The following DLC1 variants were observed in gnomAD, a reference collection of about 807,000 sequenced individuals.
DLC1 encodes the protein rho GTPase-activating protein 7.
DLC1 carries 54 observed loss-of-function variants against 140.3 expected under a neutral mutation model. The ratio of observed to expected loss-of-function variants is 0.38; its 90% CI spans 0.31 to 0.48. The LOEUF (loss-of-function observed/expected upper bound fraction) is 0.48, where lower values mean the gene tolerates loss of function less well. Ranked by LOEUF, DLC1 falls within the 20% of genes least tolerant of loss-of-function variation. DLC1 has a pLI of 0.96. For missense variants in DLC1, 2,536 were observed against 1,907.0 expected (o/e 1.33, Z -6.14); for synonymous variants, 986 against 728.1 (o/e 1.35, Z -5.70).
At chr8:13,393,242 T>C (rs982052131) in intron 4 of DLC1, among the ~76,000 whole-genome samples, 25 of 152,048 alleles carry the variant, frequency 1.6e-4, no homozygotes, top group African/African-American at 5.8e-4. Context: ...AAGATAATAG[T>C]GTAGGGAAAG....
chr8:13,297,578 G>C (rs1177614461), intron 5 of DLC1, among the ~76,000 whole-genome samples: 1 of 152,082 alleles, frequency 6.6e-6, no homozygotes, highest in Middle Eastern at 3.2e-3. Flanking sequence ...GGCATTGGGA[G>C]TACTGCGCTG....
intron 4 of DLC1, among the ~76,000 whole-genome samples, chr8:13,383,633 C>T (rs1353493999): frequency 2.6e-5 from 4 of 152,152 alleles, no homozygotes; most frequent in African/African-American, 9.7e-5. Flanking sequence ...CCTTTTCCAA[C>T]ATTGAACAGG....
At chr8:13,098,250 C>T (rs1397689694) in intron 10 of DLC1, 149 bp downstream of exon 10, 8 of 1,074,612 alleles carry the variant, frequency 7.4e-6, no homozygotes, top group African/African-American at 6.4e-5. Flanking sequence ...AACAAACAAA[C>T]AAAAATGCAG....
At chr8:13,578,685 A>T (rs1200933215) in intron 1 of DLC1, among the ~76,000 whole-genome samples, 1 of 152,164 alleles carries the variant, frequency 6.6e-6, no homozygotes, top group Admixed American at 6.5e-5. Flanking sequence ...CTGGTTTATT[A>T]TAAAGGATAT....
At chr8:13,390,031 A>G (rs1367579162) in intron 4 of DLC1, among the ~76,000 whole-genome samples, 5 of 152,188 alleles carry the variant, frequency 3.3e-5, no homozygotes, top group Non-Finnish European at 7.3e-5. Flanking sequence ...GACTGTTATT[A>G]CATATCATTT....
rs577256057 is a variant in DLC1, at chr8:13,532,662, C to G, written c.-125-32466G>C. Reference sequence around the variant, plus strand: ...TGTGCAGTGGTGCAATCATTCATTGCTCACTGTGATCTTGAACTCTTGGGC... The same window carrying G: ...TGTGCAGTGGTGCAATCATTCATTGGTCACTGTGATCTTGAACTCTTGGGC... On this transcript the variant is annotated intron_variant, in intron 1 of 1. Coordinates refer to the DLC1 transcript ENST00000631382. Among the ~76,000 whole-genome samples the G allele has an allele frequency of 2.4e-4, 36 of 152,290 alleles. No homozygotes were observed. The South Asian group carries it at 7.2e-3, about 31-fold the overall frequency.
chr8:13,286,733 A>G (rs1442771304), intron 5 of DLC1, among the ~76,000 whole-genome samples: 1 of 151,818 alleles, frequency 6.6e-6, no homozygotes, highest in Non-Finnish European at 1.5e-5. Flanking sequence ...AAAATAGAAA[A>G]AAAAAAAAAC....
intron 1 of DLC1, among the ~76,000 whole-genome samples, chr8:13,503,876 A>T (rs185072469): frequency 6.6e-6 from 1 of 152,320 alleles, no homozygotes; most frequent in African/African-American, 2.4e-5. Flanking sequence ...TATCTGTGGT[A>T]AATATCTATC....
intron 5 of DLC1, among the ~76,000 whole-genome samples, chr8:13,185,122 C>CTTTTTTTTTTTTTTTTT (rs1193667992): frequency 9.5e-5 from 8 of 84,568 alleles, no homozygotes; most frequent in African/African-American, 2.6e-4. Flanking sequence ...GCAACCCCTG[C>CTTTTTTTTTTTTTTTTT]TTTTTTTTTT....
chr8:13,475,756 T>G (rs1364653540), intron 2 of DLC1, among the ~76,000 whole-genome samples: 2 of 152,106 alleles, frequency 1.3e-5, no homozygotes, highest in African/African-American at 2.4e-5. Context: ...AGGCTAAAAG[T>G]GAGGCTGCAG....
intron 4 of DLC1, among the ~76,000 whole-genome samples, chr8:13,384,854 A>G (rs758339236): frequency 6.6e-6 from 1 of 152,102 alleles, no homozygotes; most frequent in Non-Finnish European, 1.5e-5. Context: ...GCGACAGGGA[A>G]GTACTGGGGG....
At chr8:13,328,745 A>G (rs553317434) in intron 4 of DLC1, among the ~76,000 whole-genome samples, 34 of 152,042 alleles carry the variant, frequency 2.2e-4, no homozygotes, top group Non-Finnish European at 4.6e-4. Flanking sequence ...ATTCAGGAGG[A>G]GCCCGCAGAG....
intron 5 of DLC1, among the ~76,000 whole-genome samples, chr8:13,190,577 G>A (rs1385389287): frequency 6.6e-6 from 1 of 152,146 alleles, no homozygotes; most frequent in African/African-American, 2.4e-5. Context: ...CTTTGAGAAA[G>A]GCAAAAGTCA....
chr8:13,433,078 G>A (rs769909441), intron 2 of DLC1, among the ~76,000 whole-genome samples: 1 of 151,154 alleles, frequency 6.6e-6, no homozygotes, highest in Non-Finnish European at 1.5e-5. Context: ...ATGGAGTAAA[G>A]CCACTGAAAA....
At position 13,493,519 on chromosome 8, in the gene DLC1, G is replaced by T. The variant is rs564313536; in HGVS notation, c.1023+5530C>A. On this transcript the variant is annotated intron_variant, in intron 2 of 17. Transcript: ENST00000276297. ...TGATCAGATCTGGGTAATTAGAAGA[G>T]CCATCGTTCCAAACATTGATCATGT... 3.3e-5 allele frequency among the ~76,000 whole-genome samples: 5 copies of T among 152,252 alleles called. No homozygotes were observed. In the East Asian group the frequency reaches 7.7e-4, roughly 24 times the overall value.
chr8:13,099,745 C>G lies in DLC1; in HGVS notation c.2592G>C (p.Lys864Asn), dbSNP rs752185721. The G allele has an allele frequency of 1.2e-6, 2 of 1,614,190 alleles. No individual in the cohort carries two copies. Among genetic ancestry groups the G allele is most frequent in the African/African-American group, 2.7e-5 (2 of 75,044 alleles). Residue 864 changes from lysine to asparagine, a missense_variant, in exon 9 of 18, where the codon AAG becomes AAC. Lys to Asn is a moderately conservative substitution (Grantham distance 94, BLOSUM62 0). Transcript: ENST00000276297. ...ENSSDSPKEL[K>N]RRNSSSSMSS... ...TCATGGAGCTGGAAGAATTGCGTCT[C>G]TTCAGTTCCTTGGGGCTGTCGCTAC...
intron 2 of DLC1, among the ~76,000 whole-genome samples, chr8:13,448,374 T>TTC (rs1003120833): frequency 6.6e-6 from 1 of 151,818 alleles, no homozygotes; most frequent in African/African-American, 2.4e-5. Context: ...TTCTTCTTTT[T>TTC]TTTTTTTGAG....
At chr8:13,487,478 A>G (rs1457111551) in intron 2 of DLC1, among the ~76,000 whole-genome samples, 2 of 152,160 alleles carry the variant, frequency 1.3e-5, no homozygotes, top group African/African-American at 2.4e-5. Flanking sequence ...TTCCCACTCC[A>G]AGTTTGTCCC....
intron 2 of DLC1, among the ~76,000 whole-genome samples, chr8:13,464,691 T>A (rs1477033993): frequency 6.7e-6 from 1 of 148,604 alleles, no homozygotes; most frequent in African/African-American, 2.5e-5. Flanking sequence ...CCTCCACTAA[T>A]TTTTTTGGTT....
Sources: gnomAD v4.1 joint callset for allele counts (sites outside exome capture counted in the v4.1 genomes callset) on GRCh38, gnomAD v4.1.1 for gene constraint, MANE v1.5 for transcripts, NCBI Gene and HGNC (gene_info 2026-07-23, HGNC 2026-07-21) for gene names.